MUC17: variants seen among roughly 807,000 people sequenced by gnomAD.
MUC17 encodes the protein mucin-17.
Under a neutral mutation model 170.3 loss-of-function variants are expected in MUC17, and 190 were observed. That is an observed-to-expected ratio of 1.12 (90% CI 0.99 to 1.26). MUC17 has a LOEUF of 1.26. Ranked by LOEUF, MUC17 falls within the 50% of genes most tolerant of loss-of-function variation. The pLI is 0.00. For missense variants in MUC17, 6,415 were observed against 5,530.0 expected (o/e 1.16, Z -5.08); for synonymous variants, 2,325 against 2,002.5 (o/e 1.16, Z -4.30).
chr7:101,036,139 C>G lies in MUC17; in HGVS notation c.4723C>G (p.Leu1575Val), dbSNP rs1352001813. Residue 1575 changes from leucine to valine, a missense_variant, in exon 3 of 13, where the codon CTA (leucine) becomes GTA (valine). Physicochemically the swap from Leu to Val is conservative, Grantham distance 32 (BLOSUM62 1). Coordinates refer to ENST00000306151, the MANE Select transcript of MUC17 (RefSeq NM_001040105.2). ...AACTTATAGTGAAGGAAGCACTCCA[C>G]TAACAAGTTTGCCTGTCAGCACCAT... is the stretch of plus-strand genomic sequence containing the variant. ...TSTYSEGSTPLTSLPVSTMLV... is the reference protein window; with the variant it reads ...TSTYSEGSTPVTSLPVSTMLV... The G allele has an allele frequency of 6.2e-7, 1 of 1,609,074 alleles. No homozygotes were observed. Among genetic ancestry groups the G allele is most frequent in the African/African-American group, 1.4e-5 (1 of 73,120 alleles).
chr7:101,042,985 A>G lies in MUC17; in HGVS notation c.11569A>G (p.Ile3857Val). Residue 3857 changes from isoleucine (I) to valine (V), a missense_variant, in exon 3 of 13, where the codon ATA (isoleucine) becomes GTA (valine). Transcript: ENST00000306151. The part of the protein sequence containing the change: ...LTSTKAGSFS[I>V]PAEVTTIRIS... ...CTCTACCAAAGCCGGTTCATTCTCC[A>G]TACCTGCTGAAGTCACTACCATACG... 1.9e-6 allele frequency: 3 copies of G among 1,614,134 alleles called. No homozygotes were observed. The South Asian group carries it at 3.3e-5, about 18-fold the overall frequency.
Position 101,036,831 on chromosome 7 carries a change from A to G in MUC17, c.5415A>G (p.Glu1805=). The change falls in exon 3 of 13, where the codon GAA becomes GAG. Residue 1805 remains glutamate (E), a synonymous_variant. Transcript: ENST00000306151. ...GTSIPTSTLS[E]GMTPLTSTPV... ...GCATACCAACCTCGACTCTTAGTGA[A>G]GGAATGACTCCATTAACAAGCACAC... 6.2e-7 allele frequency: 1 copy of G among 1,605,662 alleles called. No homozygotes were observed. Among genetic ancestry groups the G allele is most frequent in the Non-Finnish European group, 8.5e-7 (1 of 1,175,714 alleles).
rs1562806740 is a variant in MUC17 at position 101,034,584 on chromosome 7, T to C, written c.3168T>C (p.Ser1056=). Reference sequence around the variant, plus strand: ...CTGTCAGCACCACAATGGTGGCCAGTTCTGAAACGAGCACACTTTCAACAA... The same window carrying C: ...CTGTCAGCACCACAATGGTGGCCAGCTCTGAAACGAGCACACTTTCAACAA... ...RMPVSTTMVA[S]SETSTLSTTP... The change falls in exon 3 of 13, where the codon AGT becomes AGC. Residue 1056 remains serine (S), a synonymous_variant. Transcript: ENST00000306151. The C allele has an allele frequency of 1.2e-6, 2 of 1,607,540 alleles. No individual in the cohort carries two copies. Among genetic ancestry groups the C allele is most frequent in the Non-Finnish European group, 8.5e-7 (1 of 1,175,056 alleles).
intron 4 of MUC17, among the ~76,000 whole-genome samples, chr7:101,048,587 C>A (rs1794882560): frequency 7.0e-6 from 1 of 143,104 alleles, no homozygotes; most frequent in Non-Finnish European, 1.5e-5. Flanking sequence ...CAGAACAATA[C>A]CCTGTCAAAA....
chr7:101,048,744 C>A, intron 4 of MUC17, 101 bp from the exon 5 acceptor site: 2 of 1,324,316 alleles, frequency 1.5e-6, no homozygotes, highest in South Asian at 1.7e-5. Flanking sequence ...AAAATTTTAC[C>A]ATAAAATACA....
chr7:101,042,321 T>C lies in MUC17; in HGVS notation c.10905T>C (p.Thr3635=). ...TGTCAACTCCTAGTGAAGTAAGCAC[T>C]CCATTAACCATTATGCCTGTCAGCA... ...LPMSTPSEVS[T]PLTIMPVSTT... The change falls in exon 3 of 13, where the codon ACT becomes ACC. Residue 3635 remains threonine (T), a synonymous_variant. Transcript: ENST00000306151. The C allele has an allele frequency of 6.2e-7, 1 of 1,613,930 alleles. No individual in the cohort carries two copies. The highest frequency in any genetic ancestry group is 2.2e-5 in the East Asian group (1 of 44,856).
chr7:101,037,644 C>G lies in MUC17; in HGVS notation c.6228C>G (p.Thr2076=). ...TTPVDSKTQV[T]NSTEASSSAT... ...CTGTTGACTCCAAAACTCAGGTGAC[C>G]AATTCTACTGAAGCCAGTTCATCTG... Residue 2076 remains threonine, a synonymous_variant, in exon 3 of 13, where the codon ACC becomes ACG. Coordinates refer to ENST00000306151, the MANE Select transcript of MUC17 (RefSeq NM_001040105.2). The G allele has an allele frequency of 6.2e-7, 1 of 1,613,728 alleles. No homozygotes were observed. Among genetic ancestry groups the G allele is most frequent in the African/African-American group, 1.3e-5 (1 of 74,950 alleles).
chr7:101,048,280 GA>G, intron 4 of MUC17, 165 bp downstream of exon 4: 1 of 607,324 alleles, frequency 1.6e-6, no homozygotes, highest in African/African-American at 1.9e-5. Flanking sequence ...CCAGTGCTAT[GA>G]ATGCTAAAGC....
rs780366771 is a variant in MUC17, at chr7:101,051,896, G to A, written c.13037G>A (p.Gly4346Asp). Residue 4346 changes from glycine (G) to aspartate (D), a missense_variant, in exon 9 of 13, where the codon GGC (glycine) becomes GAC (aspartate). Transcript: ENST00000306151. ...TACTGCATCAGCCCCTGTGAGCCTG[G>A]CTTCAGTGTCTCCAAGAACTGTAAC... is the stretch of plus-strand genomic sequence containing the variant. Reference protein sequence around the residue: ...KPYCISPCEPGFSVSKNCNLG... With the variant: ...KPYCISPCEPDFSVSKNCNLG... 1.1e-5 allele frequency: 18 copies of A among 1,614,214 alleles called. No homozygotes were observed. Among genetic ancestry groups the A allele is most frequent in the Non-Finnish European group, 1.5e-5 (18 of 1,180,020 alleles).
intron 11 of MUC17, among the ~76,000 whole-genome samples, chr7:101,055,599 C>T (rs1795031591): frequency 6.6e-6 from 1 of 152,176 alleles, no homozygotes; most frequent in Admixed American, 6.5e-5. Flanking sequence ...TAAAACGCCT[C>T]TCTTAGTAAT....
At position 101,043,616 on chromosome 7, in the gene MUC17, C is replaced by T; in HGVS notation, c.12200C>T (p.Pro4067Leu). The T allele has an allele frequency of 6.2e-7, 1 of 1,614,184 alleles. No homozygotes were observed. Among genetic ancestry groups the T allele is most frequent in the East Asian group, 2.2e-5 (1 of 44,884 alleles). ...ITSHTIPPTFPPAHSSTPPTT... is the reference protein window; with the variant it reads ...ITSHTIPPTFLPAHSSTPPTT... ...TCTCACACCATCCCACCTACATTTC[C>T]TCCTGCTCACTCCAGTACACCTCCA... Residue 4067 changes from proline to leucine, a missense_variant, in exon 3 of 13, where the codon CCT becomes CTT. Coordinates refer to ENST00000306151, the MANE Select transcript of MUC17 (RefSeq NM_001040105.2).
Position 101,036,352 on chromosome 7 carries a change from C to G in MUC17, c.4936C>G (p.Pro1646Ala). 1 of 1,580,426 alleles carries G rather than the reference C, an allele frequency of 6.3e-7. No homozygotes were observed. Among genetic ancestry groups the G allele is most frequent in the South Asian group, 1.1e-5 (1 of 87,150 alleles). Residue 1646 changes from proline to alanine, a missense_variant, in exon 3 of 13, where the codon CCT becomes GCT. Pro to Ala is a conservative substitution (Grantham distance 27). Transcript: ENST00000306151. ...IPVSTTPVASPEASTLSTTPV... is the reference protein window; with the variant it reads ...IPVSTTPVASAEASTLSTTPV... ...TGTCAGCACCACGCCGGTGGCCAGT[C>G]CTGAGGCTAGCACCCTTTCAACAAC...
chr7:101,036,142 A>C lies in MUC17; in HGVS notation c.4726A>C (p.Thr1576Pro), dbSNP rs1334316042. 3 of 1,613,088 alleles carry C rather than the reference A, an allele frequency of 1.9e-6. No homozygotes were observed. Among genetic ancestry groups the C allele is most frequent in the Non-Finnish European group, 2.5e-6 (3 of 1,179,368 alleles). The change falls in exon 3 of 13, where the codon ACA becomes CCA. Residue 1576 changes from threonine (T) to proline (P), a missense_variant. Coordinates refer to ENST00000306151, the MANE Select transcript of MUC17 (RefSeq NM_001040105.2). ...TTATAGTGAAGGAAGCACTCCACTA[A>C]CAAGTTTGCCTGTCAGCACCATGCT... ...STYSEGSTPL[T>P]SLPVSTMLVV...
In MUC17 at chr7:101,038,003, C is replaced by T. The variant is rs757099131; in HGVS notation, c.6587C>T (p.Thr2196Ile). 1.2e-6 allele frequency: 2 copies of T among 1,608,242 alleles called. No individual in the cohort carries two copies. Among genetic ancestry groups the T allele is most frequent in the African/African-American group, 1.3e-5 (1 of 74,672 alleles). Reference sequence around the variant, plus strand: ...ACCAGCACACCTGTGACCAATTCTACTGAAGCCCGTTCATCTCCTACAACT... The same window carrying T: ...ACCAGCACACCTGTGACCAATTCTATTGAAGCCCGTTCATCTCCTACAACT... ...VDTSTPVTNS[T>I]EARSSPTTSE... Residue 2196 changes from threonine (T) to isoleucine (I), a missense_variant, in exon 3 of 13, where the codon ACT becomes ATT. Coordinates refer to ENST00000306151, the MANE Select transcript of MUC17 (RefSeq NM_001040105.2).
chr7:101,043,500 T>G lies in MUC17; in HGVS notation c.12084T>G (p.Leu4028=). 1 of 1,614,154 alleles carries G rather than the reference T, an allele frequency of 6.2e-7. No homozygotes were observed. Among genetic ancestry groups the G allele is most frequent in the Non-Finnish European group, 8.5e-7 (1 of 1,180,022 alleles). The change falls in exon 3 of 13, where the codon CTT becomes CTG. Residue 4028 remains leucine (L), a synonymous_variant. Transcript: ENST00000306151. ...GCTGCACTACTTCTGCATCAACGCTTTCTGCAACCAGTACACCTCACACCT... is the reference window on the plus strand; with the variant it reads ...GCTGCACTACTTCTGCATCAACGCTGTCTGCAACCAGTACACCTCACACCT... ...SRGCTTSAST[L]SATSTPHTST...
intron 1 of MUC17, 50 bp downstream of exon 1, chr7:101,020,267 CAG>C: frequency 6.6e-7 from 1 of 1,512,006 alleles, no homozygotes; most frequent in Non-Finnish European, 9.0e-7. Context: ...TCCCAGGGGC[CAG>C]CCTGCTCTGT....
chr7:101,028,441 C>T (rs1346181497), intron 1 of MUC17, among the ~76,000 whole-genome samples: 1 of 152,062 alleles, frequency 6.6e-6, no homozygotes, highest in Non-Finnish European at 1.5e-5. Flanking sequence ...CATCCCTTCA[C>T]ATCATTATTT....
At position 101,020,189 on chromosome 7, in the gene MUC17, C is replaced by G. The variant is rs749187434; in HGVS notation, c.54C>G (p.Leu18=). 4 of 1,610,020 alleles carry G rather than the reference C, an allele frequency of 2.5e-6. No individual in the cohort carries two copies. Among genetic ancestry groups the G allele is most frequent in the Non-Finnish European group, 3.4e-6 (4 of 1,178,216 alleles). Reference sequence around the variant, plus strand: ...GTCTGCTGACCTTGGTCCTCTCGCTCTTGCCCCCACAAGCTGCTGCAGAAC... The same window carrying G: ...GTCTGCTGACCTTGGTCCTCTCGCTGTTGCCCCCACAAGCTGCTGCAGAAC... The part of the protein sequence containing the change: ...ALCLLTLVLS[L]LPPQAAAEQD... The change falls in exon 1 of 13, where the codon CTC becomes CTG. Residue 18 remains leucine, a synonymous_variant. Coordinates refer to ENST00000306151, the MANE Select transcript of MUC17 (RefSeq NM_001040105.2).
chr7:101,034,609 A>G lies in MUC17; in HGVS notation c.3193A>G (p.Thr1065Ala). The part of the protein sequence containing the change: ...ASSETSTLST[T>A]PADTSTPVTT... ...TTCTGAAACGAGCACACTTTCAACA[A>G]CTCCTGCTGACACCAGCACACCTGT... Residue 1065 changes from threonine to alanine, a missense_variant, in exon 3 of 13, where the codon ACT (threonine) becomes GCT (alanine). Coordinates refer to ENST00000306151, the MANE Select transcript of MUC17 (RefSeq NM_001040105.2). 6.2e-7 allele frequency: 1 copy of G among 1,606,836 alleles called. No homozygotes were observed. The highest frequency in any genetic ancestry group is 8.5e-7 in the Non-Finnish European group (1 of 1,174,888).
Sources: allele counts gnomAD v4.1 joint callset (sites outside exome capture counted in the v4.1 genomes callset), GRCh38; gene constraint gnomAD v4.1.1; transcripts MANE v1.5; gene names NCBI Gene and HGNC (gene_info 2026-07-23, HGNC 2026-07-21).